Variants in SAMD5 observed in about 807,000 individuals in gnomAD.
The protein encoded by SAMD5 is sterile alpha motif domain containing 5.
A neutral mutation model predicts 11.3 loss-of-function variants in SAMD5; 13 were observed. The ratio of observed to expected loss-of-function variants is 1.15; its 90% CI spans 0.75 to 1.83. The LOEUF is 1.83. Among genes scored for constraint, SAMD5 ranks in the 40% most tolerant of loss-of-function variants. SAMD5 has a pLI of 0.00. For missense variants in SAMD5, 255 were observed against 239.1 expected (o/e 1.07, Z -0.44); for synonymous variants, 129 against 111.3 (o/e 1.16, Z -1.00).
chr6:147,829,650 G>T, the SAMD5 span, among the ~76,000 whole-genome samples: 1 of 151,658 alleles, frequency 6.6e-6, no homozygotes, highest in East Asian at 1.9e-4. Flanking sequence ...TGCACATTTA[G>T]ATCAACAGGG....
At chr6:147,643,874 G>T (rs1407393256) in intron 1 of SAMD5, among the ~76,000 whole-genome samples, 1 of 152,002 alleles carries the variant, frequency 6.6e-6, no homozygotes, top group African/African-American at 2.4e-5. Context: ...AGGAAGGGAG[G>T]CAGGAAAGAA....
chr6:147,641,775 A>G (rs1273640763), intron 1 of SAMD5, among the ~76,000 whole-genome samples: 1 of 152,182 alleles, frequency 6.6e-6, no homozygotes, highest in African/African-American at 2.4e-5. Context: ...TGGTTACAGA[A>G]TCTTTTAACT....
chr6:147,864,503 A>G, the SAMD5 span, among the ~76,000 whole-genome samples: 18 of 152,336 alleles, frequency 1.2e-4, no homozygotes, highest in African/African-American at 3.4e-4. Flanking sequence ...GATGTCCTTT[A>G]CAGGCATCAT....
At chr6:147,769,275 C>G in the SAMD5 span, among the ~76,000 whole-genome samples, 2 of 152,232 alleles carry the variant, frequency 1.3e-5, no homozygotes, top group Admixed American at 6.5e-5. Context: ...CAAGTGCTCC[C>G]CAGCTGCTTC....
chr6:147,742,689 G>C, the SAMD5 span, among the ~76,000 whole-genome samples: 1 of 152,188 alleles, frequency 6.6e-6, no homozygotes, highest in East Asian at 1.9e-4. Context: ...AAGTTGGACA[G>C]TTGGACATTG....
At chr6:147,662,514 T>C (rs1465556217) in intron 1 of SAMD5, among the ~76,000 whole-genome samples, 3 of 152,208 alleles carry the variant, frequency 2.0e-5, no homozygotes, top group Admixed American at 6.5e-5. Flanking sequence ...ATTTAAAAGT[T>C]AAATATGAAA....
intron 1 of SAMD5, among the ~76,000 whole-genome samples, chr6:147,628,650 G>T (rs1790093893): frequency 6.6e-6 from 1 of 151,358 alleles, no homozygotes; most frequent in Admixed American, 6.6e-5. Flanking sequence ...TGAACAGAAA[G>T]GATTTTTTTT....
intron 1 of SAMD5, among the ~76,000 whole-genome samples, chr6:147,690,150 T>C (rs1791079795): frequency 6.6e-6 from 1 of 152,220 alleles, no homozygotes; most frequent in Non-Finnish European, 1.5e-5. Context: ...GTGAAATGGT[T>C]TGATTACAAG....
chr6:147,769,116 G>C, the SAMD5 span, among the ~76,000 whole-genome samples: 1 of 152,330 alleles, frequency 6.6e-6, no homozygotes, highest in East Asian at 1.9e-4. Flanking sequence ...TAAGGTGAGT[G>C]TCATAATGTT....
chr6:147,798,507 A>AG, the SAMD5 span, among the ~76,000 whole-genome samples: 1 of 150,448 alleles, frequency 6.6e-6, no homozygotes, highest in African/African-American at 2.5e-5. Flanking sequence ...CAATTTTGGA[A>AG]TAGGTGTGGT....
At chr6:147,727,897 T>C (rs1459700694) in intron 1 of SAMD5, among the ~76,000 whole-genome samples, 3 of 152,210 alleles carry the variant, frequency 2.0e-5, no homozygotes, top group South Asian at 2.1e-4. Context: ...AGGGAATCAA[T>C]GCATTATTTT....
At chr6:147,848,949 A>G in the SAMD5 span, among the ~76,000 whole-genome samples, 1 of 152,026 alleles carries the variant, frequency 6.6e-6, no homozygotes, top group African/African-American at 2.4e-5. Context: ...GGACTGGCAA[A>G]CTTTTTCTGT....
At chr6:147,918,637 C>A in the SAMD5 span, among the ~76,000 whole-genome samples, 5 of 150,972 alleles carry the variant, frequency 3.3e-5, no homozygotes, top group African/African-American at 1.2e-4. Flanking sequence ...TGATAAGCAA[C>A]TTCAGGGAAG....
intron 1 of SAMD5, among the ~76,000 whole-genome samples, chr6:147,593,685 T>C (rs1437718687): frequency 6.6e-6 from 1 of 152,198 alleles, no homozygotes; most frequent in Non-Finnish European, 1.5e-5. Context: ...TGCAAAAGCA[T>C]GCATCAAAGT....
chr6:147,552,136 C>G (rs895868849), intron 1 of SAMD5, among the ~76,000 whole-genome samples: 3 of 152,094 alleles, frequency 2.0e-5, no homozygotes, highest in African/African-American at 7.2e-5. Context: ...TATCTGTGTT[C>G]TTTGCTGTTT....
intron 1 of SAMD5, among the ~76,000 whole-genome samples, chr6:147,527,393 T>C (rs1788358904): frequency 6.6e-6 from 1 of 152,076 alleles, no homozygotes; most frequent in African/African-American, 2.4e-5. Context: ...TGCCACACAC[T>C]TTTAAACAAC....
the SAMD5 span, among the ~76,000 whole-genome samples, chr6:147,889,527 G>A: frequency 0.18 from 26,841 of 152,116 alleles, 4,372 homozygotes; most frequent in African/African-American, 0.42. Flanking sequence ...TTTGTTATTA[G>A]ATGCTAGACA....
At chr6:147,642,854 G>T (rs144659450) in intron 1 of SAMD5, among the ~76,000 whole-genome samples, 121 of 152,182 alleles carry the variant, frequency 8.0e-4, no homozygotes, top group African/African-American at 2.6e-3. Flanking sequence ...CCTGCCTGGG[G>T]TGCAGGGCCT....
At chr6:147,894,213 C>A in the SAMD5 span, among the ~76,000 whole-genome samples, 3 of 151,522 alleles carry the variant, frequency 2.0e-5, no homozygotes, top group African/African-American at 7.3e-5. Context: ...AACCTCCATC[C>A]CCCAGGTTCA....
Sources: allele counts gnomAD v4.1 joint callset (sites outside exome capture counted in the v4.1 genomes callset), GRCh38; gene constraint gnomAD v4.1.1; transcripts MANE v1.5; gene names NCBI Gene and HGNC (gene_info 2026-07-23, HGNC 2026-07-21).